RTN4: variants seen among roughly 807,000 people sequenced by gnomAD.
RTN4 encodes reticulon-4.
Under a neutral mutation model 90.4 loss-of-function variants are expected in RTN4, and 32 were observed. That is an observed-to-expected ratio of 0.35 (90% CI 0.27 to 0.48). The LOEUF is 0.48. Among genes scored for constraint, RTN4 ranks in the 20% least tolerant of loss-of-function variants. The pLI, the probability that RTN4 is intolerant of heterozygous loss-of-function variation, is 0.99. For synonymous variants in RTN4, 629 were observed against 552.5 expected (o/e 1.14, Z -1.94); for missense variants, 1,706 against 1,430.2 (o/e 1.19, Z -3.11).
intron 3 of RTN4, 115 bp downstream of exon 3, chr2:55,024,971 T>C: frequency 3.1e-6 from 4 of 1,275,506 alleles, no homozygotes; most frequent in Non-Finnish European, 4.3e-6. Context: ...GAAGACTTCT[T>C]ACCAATGTGA....
chr2:55,089,303 G>A (rs985776269), intron 1 of RTN4, among the ~76,000 whole-genome samples: 1 of 152,184 alleles, frequency 6.6e-6, no homozygotes, highest in African/African-American at 2.4e-5. Flanking sequence ...TTGAGCATCA[G>A]TATGAATGCT....
chr2:54,973,440 C>G (rs935298121), intron 8 of RTN4, 123 bp downstream of exon 8: 75 of 834,694 alleles, frequency 9.0e-5, no homozygotes, highest in Non-Finnish European at 1.4e-4. Context: ...TTTGGCAACT[C>G]TGAAGTCACA....
chr2:54,981,391 G>GGC (rs1678115020), intron 5 of RTN4, among the ~76,000 whole-genome samples: 1 of 150,620 alleles, frequency 6.6e-6, no homozygotes, highest in African/African-American at 2.5e-5. Context: ...CTATATCCTT[G>GGC]GCATGTGTGA....
chr2:55,016,525 G>T (rs1681050077), intron 3 of RTN4, among the ~76,000 whole-genome samples: 1 of 152,226 alleles, frequency 6.6e-6, no homozygotes, highest in African/African-American at 2.4e-5. Context: ...AGAGGTTGCA[G>T]TGAGTGGAGA....
Position 55,018,872 on chromosome 2 carries a change from T to G in RTN4, c.3013+6214A>C, listed in dbSNP as rs149779878. Among the ~76,000 whole-genome samples, 213 of 152,274 alleles carry G rather than the reference T, an allele frequency of 1.4e-3. 1 individual carries two copies. The highest frequency in any genetic ancestry group is 3.5e-3 in the South Asian group (17 of 4,822). On this transcript the variant is annotated intron_variant, in intron 3 of 8. Coordinates refer to ENST00000337526, the MANE Select transcript of RTN4 (RefSeq NM_020532.5). The stretch of plus-strand genomic sequence containing the variant: ...ACAACTAGCATCTAGCTCTTGATCT[T>G]TAATACCTCACTATTATGAAAATGA...
chr2:54,979,080 G>T (rs1263805374), intron 5 of RTN4, among the ~76,000 whole-genome samples: 4 of 150,912 alleles, frequency 2.7e-5, no homozygotes, highest in African/African-American at 4.9e-5. Context: ...AACAGACAGG[G>T]TCTCACTCTG....
intron 6 of RTN4, 121 bp downstream of exon 6, chr2:54,974,568 ACCGCGC>A: frequency 1.3e-6 from 1 of 784,840 alleles, no homozygotes; most frequent in Non-Finnish European, 2.2e-6. Flanking sequence ...GGCATGAGCT[ACCGCGC>A]CCGGCCCACA....
At chr2:55,006,282 A>C (rs956113673) in intron 3 of RTN4, among the ~76,000 whole-genome samples, 2 of 152,162 alleles carry the variant, frequency 1.3e-5, no homozygotes, top group African/African-American at 4.8e-5. Flanking sequence ...ATGAATGCCT[A>C]AATATTCGGT....
intron 1 of RTN4, among the ~76,000 whole-genome samples, chr2:55,045,094 G>A (rs1000508740): frequency 9.2e-5 from 14 of 151,872 alleles, no homozygotes; most frequent in Non-Finnish European, 1.5e-4. Flanking sequence ...ATGCTACTAC[G>A]CCAATAAAAA....
At position 55,025,365 on chromosome 2, in the gene RTN4, A is replaced by T. The variant is rs768281703; in HGVS notation, c.2734T>A (p.Cys912Ser). ...NAPDGAGSLP[C>S]TELPHDLSLK... ...GAAAGGTCATGGGGCAATTCTGTGC[A>T]AGGCAATGACCCAGCTCCATCCGGG... The change falls in exon 3 of 9, where the codon TGC becomes AGC. Residue 912 changes from cysteine (C) to serine (S), a missense_variant. Coordinates refer to ENST00000337526, the MANE Select transcript of RTN4 (RefSeq NM_020532.5). 1 of 1,613,984 alleles carries T rather than the reference A, an allele frequency of 6.2e-7. No individual in the cohort carries two copies. The highest frequency in any genetic ancestry group is 1.7e-5 in the Admixed American group (1 of 59,976).
intron 2 of RTN4, among the ~76,000 whole-genome samples, chr2:55,063,283 G>C (rs1025291546): frequency 6.6e-6 from 1 of 152,216 alleles, no homozygotes; most frequent in Non-Finnish European, 1.5e-5. Flanking sequence ...GAAAGCCTTC[G>C]CAAGGAGGTT....
At chr2:55,058,225 T>A (rs887863865) in intron 2 of RTN4, among the ~76,000 whole-genome samples, 2 of 152,196 alleles carry the variant, frequency 1.3e-5, no homozygotes, top group African/African-American at 4.8e-5. Flanking sequence ...TAAATTAATC[T>A]TCTATTCTTT....
rs181357082 is a variant in RTN4 at position 55,042,227 on chromosome 2, T to A, written c.556+7518A>T. Among the ~76,000 whole-genome samples the A allele has an allele frequency of 7.2e-4, 109 of 152,286 alleles. 1 individual carries two copies. Among genetic ancestry groups the A allele is most frequent in the African/African-American group, 2.5e-3 (103 of 41,578 alleles). ...CCATTCTTTGAATGACACTTTGGCATTAGCTACCAACATTTTAAATGCAAA... is the reference window on the plus strand; with the variant it reads ...CCATTCTTTGAATGACACTTTGGCAATAGCTACCAACATTTTAAATGCAAA... On this transcript the variant is annotated intron_variant, in intron 1 of 8. Coordinates refer to ENST00000337526, the MANE Select transcript of RTN4 (RefSeq NM_020532.5).
At chr2:55,121,105 G>T in the RTN4 span, among the ~76,000 whole-genome samples, 1 of 152,182 alleles carries the variant, frequency 6.6e-6, no homozygotes, top group African/African-American at 2.4e-5. Flanking sequence ...AACAGCAACA[G>T]CTCTATGTCC....
At chr2:55,088,685 C>A (rs1213584300) in intron 1 of RTN4, among the ~76,000 whole-genome samples, 3 of 152,094 alleles carry the variant, frequency 2.0e-5, no homozygotes, top group Admixed American at 6.6e-5. Context: ...AAAATACATT[C>A]AAAATGATGA....
At position 55,049,893 on chromosome 2, in the gene RTN4, G is replaced by T; in HGVS notation, c.408C>A (p.Asp136Glu). The change falls in exon 1 of 9, where the codon GAC (aspartate) becomes GAA (glutamate). Residue 136 changes from aspartate to glutamate, a missense_variant. Coordinates refer to ENST00000337526, the MANE Select transcript of RTN4 (RefSeq NM_020532.5). Reference protein sequence around the residue: ...AAVSPSKLPEDDEPPARPPPP... With the variant: ...AAVSPSKLPEEDEPPARPPPP... The stretch of plus-strand genomic sequence containing the variant: ...GGGGAGGCCGGGCCGGAGGCTCGTC[G>T]TCCTCAGGGAGCTTGGAGGGCGAGA... 7.6e-7 allele frequency: 1 copy of T among 1,320,972 alleles called. No individual in the cohort carries two copies. Among genetic ancestry groups the T allele is most frequent in the Non-Finnish European group, 9.6e-7 (1 of 1,039,338 alleles). 81.8% of individuals were successfully genotyped at this position (1,320,972 alleles called of 1,614,324 possible).
chr2:55,011,636 C>G (rs773381967), intron 3 of RTN4, among the ~76,000 whole-genome samples: 1 of 152,018 alleles, frequency 6.6e-6, no homozygotes, highest in Non-Finnish European at 1.5e-5. Context: ...GCTGCAAAAT[C>G]CTTAATATCA....
chr2:55,096,985 G>A (rs1228059786), intron 1 of RTN4, among the ~76,000 whole-genome samples: 7 of 151,752 alleles, frequency 4.6e-5, no homozygotes, highest in Non-Finnish European at 1.0e-4. Context: ...TTTAAAGGGA[G>A]CAACTAGGCC....
chr2:54,972,631 G>A lies in RTN4; in HGVS notation c.*525C>T, dbSNP rs1272702508. ...ATATAATCTATATTTACTTATATTG[G>A]CAATTAATATAACAGTAAAAGTCAC... On this transcript the variant is annotated 3_prime_UTR_variant, in exon 9 of 9. Coordinates refer to ENST00000337526, the MANE Select transcript of RTN4 (RefSeq NM_020532.5). 1 of 152,550 alleles carries A rather than the reference G, an allele frequency of 6.6e-6. No individual in the cohort carries two copies. Among genetic ancestry groups the A allele is most frequent in the East Asian group, 1.9e-4 (1 of 5,194 alleles). 9.4% of individuals were successfully genotyped at this position (152,550 alleles called of 1,614,324 possible). A position where few individuals can be genotyped will look rare whatever the true frequency, so the allele number is the denominator to read the frequency against.
Sources: gnomAD v4.1 joint callset for allele counts (sites outside exome capture counted in the v4.1 genomes callset) on GRCh38, gnomAD v4.1.1 for gene constraint, MANE v1.5 for transcripts, NCBI Gene and HGNC (gene_info 2026-07-23, HGNC 2026-07-21) for gene names.